The following ALK variants were observed in gnomAD, a reference collection of about 807,000 sequenced individuals.
ALK encodes the protein ALK tyrosine kinase receptor.
ALK carries 74 observed loss-of-function variants against 163.1 expected under a neutral mutation model. The ratio of observed to expected loss-of-function variants is 0.45; its 90% CI spans 0.38 to 0.55. ALK has a LOEUF of 0.55. ALK is among the 20% of genes least tolerant of loss of function. The pLI, the probability that ALK is intolerant of heterozygous loss-of-function variation, is 0.00. For missense variants in ALK, 2,063 were observed against 2,105.3 expected, an observed-to-expected ratio of 0.98 and a Z score of 0.39; for synonymous variants, 960 against 843.2, an observed-to-expected ratio of 1.14 and a Z score of -2.40.
intron 8 of ALK, among the ~76,000 whole-genome samples, chr2:29,303,928 A>T (rs140041645): frequency 1.3e-5 from 2 of 152,374 alleles, no homozygotes; most frequent in East Asian, 3.9e-4. Flanking sequence ...CCTACTGGGT[A>T]GTAAACTCAC....
In ALK at chr2:29,233,662, T is replaced by C; in HGVS notation, c.2390A>G (p.Glu797Gly). 3 of 1,614,208 alleles carry C rather than the reference T, an allele frequency of 1.9e-6. No homozygotes were observed. The highest frequency in any genetic ancestry group is 2.5e-6 in the Non-Finnish European group (3 of 1,180,036). Residue 797 changes from glutamate (E) to glycine (G), a missense_variant, in exon 14 of 29, where the codon GAG becomes GGG. Physicochemically the swap from Glu to Gly is moderately conservative, Grantham distance 98. Coordinates refer to ENST00000389048, the MANE Select transcript of ALK (RefSeq NM_004304.5). Reference sequence around the variant, plus strand: ...GATTTCTTCTTCTATCACATTGTTCTCTCCAATGCAGACTTTCTGGATTAA... The same window carrying C: ...GATTTCTTCTTCTATCACATTGTTCCCTCCAATGCAGACTTTCTGGATTAA... Reference protein sequence around the residue: ...NQLIQKVCIGENNVIEEEIRV... With the variant: ...NQLIQKVCIGGNNVIEEEIRV...
At chr2:29,354,996 GACCTCGTGATCC>G (rs1573273820) in intron 5 of ALK, among the ~76,000 whole-genome samples, 1 of 152,076 alleles carries the variant, frequency 6.6e-6, no homozygotes, top group African/African-American at 2.4e-5. Flanking sequence ...TCAGTCTCCT[GACCTCGTGATCC>G]ACCTGTCTCG....
chr2:29,768,743 G>GTGTATATATA (rs373708982), intron 1 of ALK, among the ~76,000 whole-genome samples: 12 of 150,568 alleles, frequency 8.0e-5, no homozygotes, highest in Non-Finnish European at 1.5e-4. Flanking sequence ...GTGTGTGTGT[G>GTGTATATATA]TATATATGTA....
chr2:29,197,399 C>A (rs1199265652), intron 27 of ALK, 143 bp downstream of exon 27: 1 of 1,240,334 alleles, frequency 8.1e-7, no homozygotes, highest in Non-Finnish European at 1.1e-6. Context: ...ACTGAAGTCG[C>A]AGTCACATTC....
rs552187705 is a variant in ALK at position 29,193,866 on chromosome 2, C to T, written c.4221G>A (p.Glu1407=). The T allele has an allele frequency of 1.2e-6, 2 of 1,613,948 alleles. No individual in the cohort carries two copies. Among genetic ancestry groups the T allele is most frequent in the African/African-American group, 1.3e-5 (1 of 75,038 alleles). Residue 1407 remains glutamate (E), a synonymous_variant, in exon 29 of 29, where the codon GAG becomes GAA. Transcript: ENST00000389048. ...TGGGCCTCACAGGCACTTTCTCTTC[C>T]TCTTCCACAAGTGGACCATATTCTA... ...LPIEYGPLVE[E]EEKVPVRPKD...
At chr2:29,577,275 T>C (rs745385133) in intron 3 of ALK, among the ~76,000 whole-genome samples, 19 of 152,172 alleles carry the variant, frequency 1.2e-4, no homozygotes, top group Non-Finnish European at 1.9e-4. Flanking sequence ...ATTTTACCCT[T>C]CTGAGCCTCA....
rs866192862 is a variant in ALK, at chr2:29,768,021, G to C, written c.668-50324C>G. ...CCTAGAACAGTCTTTGCTATTTCTT[G>C]TCTTAGTGAGTCTTCTGGGGAGCAT... On this transcript the variant is annotated intron_variant, in intron 1 of 28. Coordinates refer to ENST00000389048, the MANE Select transcript of ALK (RefSeq NM_004304.5). Among the ~76,000 whole-genome samples, 6 of 152,216 alleles carry C rather than the reference G, an allele frequency of 3.9e-5. No homozygotes were observed. In the South Asian group the frequency reaches 1.2e-3, roughly 32 times the overall value.
At chr2:29,205,963 C>T (rs902797492) in intron 26 of ALK, among the ~76,000 whole-genome samples, 4 of 152,136 alleles carry the variant, frequency 2.6e-5, no homozygotes, top group Admixed American at 6.5e-5. Flanking sequence ...CTCTGATGAT[C>T]TGCCCAGTTG....
chr2:29,917,697 T>C (rs1667869531), intron 1 of ALK, among the ~76,000 whole-genome samples: 1 of 152,200 alleles, frequency 6.6e-6, no homozygotes, highest in Non-Finnish European at 1.5e-5. Flanking sequence ...GACCAGGCTG[T>C]TCCAAGTATG....
Position 29,490,504 on chromosome 2 carries a change from G to A in ALK, c.1154+41411C>T, listed in dbSNP as rs574338887. 4.0e-3 allele frequency among the ~76,000 whole-genome samples: 604 copies of A among 152,272 alleles called. 4 individuals carry two copies. The highest frequency in any genetic ancestry group is 8.5e-3 in the South Asian group (41 of 4,826). ...TTAGAAATGCAAATTATTAGGCCTC[G>A]TTCCAGCCTAGAGTCAGAGACTTGG... On this transcript the variant is annotated intron_variant, in intron 4 of 28. Coordinates refer to ENST00000389048, the MANE Select transcript of ALK (RefSeq NM_004304.5).
chr2:29,346,803 CATCTGTCAGAATCT>C (rs1261481924), intron 5 of ALK, among the ~76,000 whole-genome samples: 1 of 152,110 alleles, frequency 6.6e-6, no homozygotes, highest in East Asian at 1.9e-4. Flanking sequence ...TTCCTGGGTC[CATCTGTCAGAATCT>C]CTGAACTGGG....
At chr2:29,420,989 T>A (rs1670003201) in intron 4 of ALK, among the ~76,000 whole-genome samples, 1 of 151,566 alleles carries the variant, frequency 6.6e-6, no homozygotes, top group South Asian at 2.1e-4. Flanking sequence ...GGAAAAGCAA[T>A]GGCCAGGAGC....
intron 3 of ALK, among the ~76,000 whole-genome samples, chr2:29,547,843 G>A (rs918184624): frequency 1.3e-5 from 2 of 152,216 alleles, no homozygotes; most frequent in African/African-American, 4.8e-5. Flanking sequence ...TGCTCGTATG[G>A]TTGCCAGGTT....
At chr2:29,798,706 C>T (rs1008912274) in intron 1 of ALK, among the ~76,000 whole-genome samples, 1 of 152,180 alleles carries the variant, frequency 6.6e-6, no homozygotes, top group African/African-American at 2.4e-5. Context: ...GATAATAACC[C>T]AAAGAACTTT....
At chr2:29,261,048 G>A (rs939608019) in intron 11 of ALK, among the ~76,000 whole-genome samples, 2 of 152,064 alleles carry the variant, frequency 1.3e-5, no homozygotes, top group South Asian at 4.1e-4. Context: ...CTGCTCCAGC[G>A]CCTTCAGATC....
intron 3 of ALK, among the ~76,000 whole-genome samples, chr2:29,635,091 G>T (rs985172498): frequency 6.6e-6 from 1 of 152,172 alleles, no homozygotes; most frequent in Non-Finnish European, 1.5e-5. Context: ...TACAGAATTT[G>T]TGTGCTGAAA....
At chr2:29,857,395 G>A (rs372589812) in intron 1 of ALK, among the ~76,000 whole-genome samples, 127 of 152,182 alleles carry the variant, frequency 8.3e-4, no homozygotes, top group African/African-American at 2.9e-3. Context: ...GGCCAAAAAT[G>A]TTGGAAAGAA....
intron 8 of ALK, among the ~76,000 whole-genome samples, chr2:29,304,244 T>A (rs903450699): frequency 2.2e-4 from 33 of 152,094 alleles, no homozygotes; most frequent in African/African-American, 7.7e-4. Flanking sequence ...GTGCCTGTAA[T>A]CCCAGCACTT....
At chr2:29,743,022 C>T (rs1463942385) in intron 1 of ALK, among the ~76,000 whole-genome samples, 1 of 152,170 alleles carries the variant, frequency 6.6e-6, no homozygotes, top group African/African-American at 2.4e-5. Flanking sequence ...CTCCAATATC[C>T]TAGGGATACA....
Sources: gnomAD v4.1 joint callset for allele counts (sites outside exome capture counted in the v4.1 genomes callset) on GRCh38, gnomAD v4.1.1 for gene constraint, MANE v1.5 for transcripts, NCBI Gene and HGNC (gene_info 2026-07-23, HGNC 2026-07-21) for gene names.